JARID2: variants seen among roughly 807,000 people sequenced by gnomAD.
JARID2 encodes jumonji and AT-rich interaction domain containing 2.
Under a neutral mutation model 125.6 loss-of-function variants are expected in JARID2, and 21 were observed. The ratio of observed to expected loss-of-function variants is 0.17; its 90% CI spans 0.12 to 0.24. JARID2 has a LOEUF of 0.24. JARID2 is among the 10% of genes least tolerant of loss of function. JARID2 has a pLI of 1.00. For synonymous variants in JARID2, 736 were observed against 661.6 expected, an observed-to-expected ratio of 1.11 and a Z score of -1.73; for missense variants, 1,303 against 1,639.6, an observed-to-expected ratio of 0.79 and a Z score of 3.55.
intron 5 of JARID2, among the ~76,000 whole-genome samples, chr6:15,486,481 G>T (rs1465647727): frequency 6.6e-6 from 1 of 152,254 alleles, no homozygotes; most frequent in Non-Finnish European, 1.5e-5. Flanking sequence ...CCAGGGATAG[G>T]TGGCATGGCC....
chr6:15,516,550 A>C (rs1006043878), intron 16 of JARID2, among the ~76,000 whole-genome samples: 2 of 152,194 alleles, frequency 1.3e-5, no homozygotes, highest in African/African-American at 4.8e-5. Flanking sequence ...GGGTGAGGTC[A>C]TCGGCGTCAC....
chr6:15,487,628 G>T (rs1769943462), intron 6 of JARID2, 86 bp downstream of exon 6: 2 of 1,202,558 alleles, frequency 1.7e-6, no homozygotes, highest in Non-Finnish European at 2.3e-6. Context: ...TCTTCAGAGG[G>T]CTCAAGAAGC....
At chr6:15,503,373 C>T (rs928767823) in intron 8 of JARID2, among the ~76,000 whole-genome samples, 3 of 152,228 alleles carry the variant, frequency 2.0e-5, no homozygotes, top group African/African-American at 4.8e-5. Flanking sequence ...CCATCTAGTT[C>T]CTTTGCTGCA....
In JARID2 at chr6:15,441,118, T is replaced by C. The variant is rs377234190; in HGVS notation, c.324-10888T>C. ...CTCAGAAAATGTGATAATCAGAAAA[T>C]GTAGGTTTTCTGATACTCACCAAAA... On this transcript the variant is annotated intron_variant, in intron 3 of 17. Coordinates refer to ENST00000341776, the MANE Select transcript of JARID2 (RefSeq NM_004973.4). Among the ~76,000 whole-genome samples, 8 of 152,102 alleles carry C rather than the reference T, an allele frequency of 5.3e-5. No homozygotes were observed. The East Asian group carries it at 9.7e-4, about 18-fold the overall frequency.
intron 3 of JARID2, among the ~76,000 whole-genome samples, chr6:15,436,725 CCT>C (rs1767220967): frequency 6.6e-6 from 1 of 152,082 alleles, no homozygotes; most frequent in South Asian, 2.1e-4. Context: ...CCTGCGATGC[CCT>C]GTTTGAGAAG....
In JARID2 at chr6:15,508,419, C is replaced by T. The variant is rs748039172; in HGVS notation, c.2811C>T (p.Tyr937=). 1.2e-5 allele frequency: 19 copies of T among 1,606,556 alleles called. No homozygotes were observed. The highest frequency in any genetic ancestry group is 1.7e-5 in the Admixed American group (1 of 60,028). The part of the protein sequence containing the change: ...CWSRDQNHLP[Y]IDYLHTGADC... ...CTCGAGACCAAAATCACCTTCCATA[C>T]ATTGACTACTTACACACTGGTGCTG... Residue 937 remains tyrosine (Y), a synonymous_variant, in exon 12 of 18, where the codon TAC becomes TAT. Coordinates refer to ENST00000341776, the MANE Select transcript of JARID2 (RefSeq NM_004973.4).
intron 1 of JARID2, among the ~76,000 whole-genome samples, chr6:15,346,210 A>G (rs2127475105): frequency 6.6e-6 from 1 of 152,320 alleles, no homozygotes; most frequent in Non-Finnish European, 1.5e-5. Context: ...CCTGGCTTCC[A>G]TTAAGATATT....
chr6:15,520,484 A>G lies in JARID2; in HGVS notation c.*233A>G. The G allele has an allele frequency of 4.7e-6, 2 of 423,414 alleles. No homozygotes were observed. The highest frequency in any genetic ancestry group is 8.4e-6 in the Non-Finnish European group (2 of 238,362). The allele number at this position is 423,414 out of a possible 1,614,324, so 26.2% of individuals were successfully genotyped here. A position where few individuals can be genotyped will look rare whatever the true frequency, so the allele number is the denominator to read the frequency against. On this transcript the variant is annotated 3_prime_UTR_variant, in exon 18 of 18. Coordinates refer to ENST00000341776, the MANE Select transcript of JARID2 (RefSeq NM_004973.4). Reference sequence around the variant, plus strand: ...GAAACTGCCGTATAGTCACTGTTTTAAAAACCCCGGAGGGGCTGTATTAAT... The same window carrying G: ...GAAACTGCCGTATAGTCACTGTTTTGAAAACCCCGGAGGGGCTGTATTAAT...
At chr6:15,252,869 A>G (rs1394392214) in intron 1 of JARID2, among the ~76,000 whole-genome samples, 5 of 152,010 alleles carry the variant, frequency 3.3e-5, no homozygotes, top group Non-Finnish European at 5.9e-5. Flanking sequence ...CCTTTTGTCC[A>G]TAAACCTTTT....
Position 15,501,348 on chromosome 6 carries a change from T to G in JARID2, c.2387T>G (p.Val796Gly). Residue 796 changes from valine to glycine, a missense_variant, in exon 8 of 18, where the codon GTG (valine) becomes GGG (glycine). By Grantham distance (109) the Val-to-Gly change is moderately radical. Around this residue, in one of 11 missense-constraint regions of JARID2, gnomAD observed 124 missense variants for 131.0 expected, o/e 0.95. Transcript: ENST00000341776. Reference sequence around the variant, plus strand: ...CGACTCTTCGCTCAGGAAAAAGAAGTGGTCAAGGAAGAGGAGGAGGACAAA... The same window carrying G: ...CGACTCTTCGCTCAGGAAAAAGAAGGGGTCAAGGAAGAGGAGGAGGACAAA... ...RRRLFAQEKEVVKEEEEDKGV... is the reference protein window; with the variant it reads ...RRRLFAQEKEGVKEEEEDKGV... 1 of 1,597,868 alleles carries G rather than the reference T, an allele frequency of 6.3e-7. No homozygotes were observed. The highest frequency in any genetic ancestry group is 2.2e-5 in the East Asian group (1 of 44,572).
intron 2 of JARID2, among the ~76,000 whole-genome samples, chr6:15,391,891 A>G (rs963073461): frequency 6.6e-6 from 1 of 152,178 alleles, no homozygotes; most frequent in East Asian, 1.9e-4. Flanking sequence ...TGGTGGCTCT[A>G]TCATGCTTTT....
intron 4 of JARID2, 61 bp from the exon 5 acceptor site, chr6:15,468,480 TC>T: frequency 7.0e-7 from 1 of 1,429,706 alleles, no homozygotes; most frequent in Non-Finnish European, 9.4e-7. Flanking sequence ...ATTGTGGTGT[TC>T]CTTCTGGAAA....
chr6:15,290,003 T>G (rs1761146782), intron 1 of JARID2, among the ~76,000 whole-genome samples: 2 of 152,202 alleles, frequency 1.3e-5, no homozygotes, highest in South Asian at 4.1e-4. Flanking sequence ...TTAGTGAGCT[T>G]CTATTGCTGT....
At chr6:15,429,297 C>G (rs773078506) in intron 3 of JARID2, among the ~76,000 whole-genome samples, 1 of 151,606 alleles carries the variant, frequency 6.6e-6, no homozygotes, top group African/African-American at 2.4e-5. Context: ...TGTGGTCTCA[C>G]TCTGTCACCC....
chr6:15,253,938 T>C (rs1759553710), intron 1 of JARID2, among the ~76,000 whole-genome samples: 2 of 152,132 alleles, frequency 1.3e-5, no homozygotes, highest in Admixed American at 6.5e-5. Context: ...TGCTCCCCCC[T>C]TTTGAGTTCA....
chr6:15,326,494 C>T (rs916638581), intron 1 of JARID2, among the ~76,000 whole-genome samples: 6 of 152,138 alleles, frequency 3.9e-5, no homozygotes, highest in Non-Finnish European at 4.4e-5. Context: ...CCTGGCCTGT[C>T]AGTATTAATG....
chr6:15,251,401 C>T (rs1409917414), intron 1 of JARID2, among the ~76,000 whole-genome samples: 1 of 152,192 alleles, frequency 6.6e-6, no homozygotes, highest in African/African-American at 2.4e-5. Context: ...ATTCTGGCTG[C>T]ATTGCTCTGA....
chr6:15,470,167 A>T (rs1769002811), intron 5 of JARID2, among the ~76,000 whole-genome samples: 1 of 122,334 alleles, frequency 8.2e-6, no homozygotes, highest in Non-Finnish European at 1.7e-5. Context: ...ACAGAGCGAG[A>T]CTCTGTCTCA....
chr6:15,520,694 C>T lies in JARID2; in HGVS notation c.*443C>T, dbSNP rs540491715. 9.7e-5 allele frequency: 44 copies of T among 451,582 alleles called. No individual in the cohort carries two copies. The highest frequency in any genetic ancestry group is 8.4e-4 in the African/African-American group (42 of 49,966). 28.0% of individuals were successfully genotyped at this position (451,582 alleles called of 1,614,324 possible). On this transcript the variant is annotated 3_prime_UTR_variant, in exon 18 of 18. Coordinates refer to ENST00000341776, the MANE Select transcript of JARID2 (RefSeq NM_004973.4). ...AAGGGATAGGAGACACACGCGCACA[C>T]ACACACACACACGAAACTTGAAATG...
Sources: gnomAD v4.1 joint callset for allele counts (sites outside exome capture counted in the v4.1 genomes callset) on GRCh38, gnomAD v4.1.1 for gene constraint, gnomAD v4.1.1 regional missense constraint, MANE v1.5 for transcripts, NCBI Gene and HGNC (gene_info 2026-07-23, HGNC 2026-07-21) for gene names.